TSHZ2: variants seen among roughly 807,000 people sequenced by gnomAD.
TSHZ2 encodes the protein teashirt homolog 2.
TSHZ2 carries 21 observed loss-of-function variants against 74.4 expected under a neutral mutation model. The ratio of observed to expected loss-of-function variants is 0.28; its 90% CI spans 0.20 to 0.41. The LOEUF (loss-of-function observed/expected upper bound fraction) is 0.41. Ranked by LOEUF, TSHZ2 falls within the 10% of genes least tolerant of loss-of-function variation. The pLI is 1.00. For missense variants in TSHZ2, 1,244 were observed against 1,293.5 expected (o/e 0.96, Z 0.59); for synonymous variants, 540 against 515.3 (o/e 1.05, Z -0.65).
chr20:53,156,427 A>G (rs1460156518), intron 1 of TSHZ2, among the ~76,000 whole-genome samples: 2 of 152,194 alleles, frequency 1.3e-5, no homozygotes, highest in African/African-American at 2.4e-5. Context: ...TGAGAACCCT[A>G]TCCTTTTACA....
chr20:53,183,848 A>ACTT (rs948302871), intron 1 of TSHZ2, among the ~76,000 whole-genome samples: 1 of 152,210 alleles, frequency 6.6e-6, no homozygotes, highest in African/African-American at 2.4e-5. Flanking sequence ...TTCGAAGGAA[A>ACTT]CAAAGGTGTG....
intron 1 of TSHZ2, among the ~76,000 whole-genome samples, chr20:53,219,046 G>A (rs896109912): frequency 6.6e-6 from 1 of 152,156 alleles, no homozygotes; most frequent in Non-Finnish European, 1.5e-5. Context: ...CTGCACTGTG[G>A]GTAGCCATTT....
At chr20:53,001,146 G>A (rs747669930) in intron 1 of TSHZ2, among the ~76,000 whole-genome samples, 4 of 151,640 alleles carry the variant, frequency 2.6e-5, no homozygotes, top group African/African-American at 4.8e-5. Flanking sequence ...GGAACTCTAT[G>A]AACCCCAGAG....
intron 2 of TSHZ2, among the ~76,000 whole-genome samples, chr20:53,296,274 C>G (rs974900939): frequency 2.0e-5 from 3 of 152,086 alleles, no homozygotes; most frequent in African/African-American, 4.8e-5. Flanking sequence ...GCTGAGCTGC[C>G]CACTTCCTGA....
At chr20:53,201,452 T>A (rs1288903297) in intron 1 of TSHZ2, among the ~76,000 whole-genome samples, 1 of 152,174 alleles carries the variant, frequency 6.6e-6, no homozygotes, top group Admixed American at 6.6e-5. Context: ...TGCTGTCGTA[T>A]CACCTTCCCT....
intron 2 of TSHZ2, among the ~76,000 whole-genome samples, chr20:53,430,244 A>G (rs1030862935): frequency 6.6e-6 from 1 of 151,916 alleles, no homozygotes; most frequent in African/African-American, 2.4e-5. Flanking sequence ...AGCTGGGACT[A>G]CAGGCTCCCT....
chr20:53,219,922 T>C (rs1430982514), intron 1 of TSHZ2, among the ~76,000 whole-genome samples: 1 of 152,232 alleles, frequency 6.6e-6, no homozygotes, highest in African/African-American at 2.4e-5. Context: ...TAATATAGTG[T>C]TGACTCCTCG....
rs776055494 is a variant in TSHZ2, at chr20:53,255,847, G to A, written c.2389G>A (p.Asp797Asn). 14 of 1,611,384 alleles carry A rather than the reference G, an allele frequency of 8.7e-6. No individual in the cohort carries two copies. The highest frequency in any genetic ancestry group is 1.1e-5 in the South Asian group (1 of 90,690). The stretch of plus-strand genomic sequence containing the variant: ...GAAGCACGCTCTGTCTGACATCGCC[G>A]ACATGGTCAAAGTCCTCCCCAAAGC... ...PQKHALSDIA[D>N]MVKVLPKATT... Residue 797 changes from aspartate (D) to asparagine (N), a missense_variant, in exon 2 of 3, where the codon GAC becomes AAC. Transcript: ENST00000371497. The surrounding 1 kb of genome is among the most constrained non-coding windows in gnomAD (Gnocchi z 4.1).
rs542973433 is a variant in TSHZ2, at chr20:53,247,785, C to T, written c.41-5714C>T. Among the ~76,000 whole-genome samples the T allele has an allele frequency of 1.8e-4, 27 of 152,272 alleles. No homozygotes were observed. The Middle Eastern group carries it at 0.01, about 58-fold the overall frequency. ...CATCGGATATGTTTTTAAATGAGGT[C>T]TTGGTTGAATTCTGGTTTAGTTTTT... On this transcript the variant is annotated intron_variant, in intron 1 of 2. Transcript: ENST00000371497.
intron 2 of TSHZ2, among the ~76,000 whole-genome samples, chr20:53,276,242 T>TC (rs1990944394): frequency 8.3e-6 from 1 of 120,016 alleles, no homozygotes; most frequent in South Asian, 2.5e-4. Context: ...CCTGGCTCTT[T>TC]CATTTTTTTT....
intron 1 of TSHZ2, among the ~76,000 whole-genome samples, chr20:53,030,109 C>T (rs1478453727): frequency 1.3e-5 from 2 of 151,908 alleles, no homozygotes. Context: ...GTTTTAGTCC[C>T]ATCTTATCAC....
At chr20:53,031,316 C>A (rs190652950) in intron 1 of TSHZ2, among the ~76,000 whole-genome samples, 138 of 152,288 alleles carry the variant, frequency 9.1e-4, no homozygotes, top group Admixed American at 8.2e-3. Flanking sequence ...GAGTTAACAA[C>A]ATTCAGCCTT....
chr20:53,348,524 G>GA (rs916921152), intron 2 of TSHZ2, among the ~76,000 whole-genome samples: 43 of 136,082 alleles, frequency 3.2e-4, no homozygotes, highest in Non-Finnish European at 4.7e-4. Flanking sequence ...TTTTAATTTA[G>GA]AAAAAAAAAG....
intron 1 of TSHZ2, among the ~76,000 whole-genome samples, chr20:53,017,197 G>A (rs988219819): frequency 1.2e-4 from 19 of 152,140 alleles, no homozygotes; most frequent in Admixed American, 4.6e-4. Context: ...GTGGCATACA[G>A]GGCATTGTAA....
At chr20:53,343,397 CA>C (rs1980300667) in intron 2 of TSHZ2, among the ~76,000 whole-genome samples, 1 of 152,170 alleles carries the variant, frequency 6.6e-6, no homozygotes, top group Non-Finnish European at 1.5e-5. Context: ...GCACACAAGG[CA>C]GTGGCCAGAA....
intron 2 of TSHZ2, among the ~76,000 whole-genome samples, chr20:53,403,992 C>A (rs1307138721): frequency 2.0e-5 from 3 of 152,186 alleles, no homozygotes; most frequent in African/African-American, 4.8e-5. Flanking sequence ...TAATCAAAAT[C>A]TTCATGCATT....
At chr20:53,094,549 G>A (rs368732086) in intron 1 of TSHZ2, among the ~76,000 whole-genome samples, 5 of 152,252 alleles carry the variant, frequency 3.3e-5, no homozygotes, top group African/African-American at 1.2e-4. Context: ...ATTTTGGGAA[G>A]TGCGATTTTC....
chr20:53,112,015 C>T (rs1986546864), intron 1 of TSHZ2, among the ~76,000 whole-genome samples: 2 of 152,206 alleles, frequency 1.3e-5, no homozygotes, highest in Admixed American at 1.3e-4. Context: ...TCTCCACACC[C>T]ATGTCCCGGC....
intron 1 of TSHZ2, among the ~76,000 whole-genome samples, chr20:53,201,949 G>A (rs1371384316): frequency 5.9e-5 from 9 of 152,190 alleles, no homozygotes; most frequent in African/African-American, 9.7e-5. Context: ...AGAAGTGATT[G>A]GATCCCAGTT....
Sources: gnomAD v4.1 joint callset for allele counts (sites outside exome capture counted in the v4.1 genomes callset) on GRCh38, gnomAD v4.1.1 for gene constraint, Gnocchi (gnomAD v3.1) non-coding constraint, MANE v1.5 for transcripts, NCBI Gene and HGNC (gene_info 2026-07-23, HGNC 2026-07-21) for gene names.